SH3YL1: variants seen among roughly 807,000 people sequenced by gnomAD.
SH3YL1 encodes SH3 domain-containing YSC84-like protein 1.
A neutral mutation model predicts 45.8 loss-of-function variants in SH3YL1; 41 were observed. The ratio of observed to expected loss-of-function variants is 0.89; its 90% CI spans 0.70 to 1.16. The LOEUF (loss-of-function observed/expected upper bound fraction) is 1.16, where lower values mean the gene tolerates loss of function less well. Among genes scored for constraint, SH3YL1 ranks in the 50% most tolerant of loss-of-function variants. The pLI, the probability that SH3YL1 is intolerant of heterozygous loss-of-function variation, is 0.00. For synonymous variants in SH3YL1, 152 were observed against 151.4 expected, an observed-to-expected ratio of 1.00 and a Z score of -0.03; for missense variants, 389 against 409.6, an observed-to-expected ratio of 0.95 and a Z score of 0.43.
At chr2:227,995 T>C (rs1667859292) in intron 8 of SH3YL1, among the ~76,000 whole-genome samples, 1 of 152,154 alleles carries the variant, frequency 6.6e-6, no homozygotes, top group Non-Finnish European at 1.5e-5. Context: ...ACATTAAAAG[T>C]AGTCACTAGT....
chr2:262,811 C>A (rs1399501348), intron 1 of SH3YL1: 1 of 792,360 alleles, frequency 1.3e-6, no homozygotes, highest in Non-Finnish European at 1.7e-6. Context: ...AGTATCAAAT[C>A]ACTTTTGATG....
chr2:245,473 C>T (rs951257371), intron 4 of SH3YL1, among the ~76,000 whole-genome samples: 5 of 152,098 alleles, frequency 3.3e-5, no homozygotes, highest in African/African-American at 1.2e-4. Flanking sequence ...TGTGTCATTT[C>T]AAGGGCTTTT....
intron 6 of SH3YL1, among the ~76,000 whole-genome samples, chr2:232,283 T>C (rs1457744623): frequency 1.3e-5 from 2 of 152,022 alleles, no homozygotes; most frequent in African/African-American, 4.8e-5. Context: ...TGCTCTCTAT[T>C]TGACATGAGA....
intron 4 of SH3YL1, chr2:243,698 T>G (rs1668648123): frequency 1.0e-6 from 1 of 973,968 alleles, no homozygotes; most frequent in Non-Finnish European, 1.5e-6. Context: ...CTTAAGTTTC[T>G]TCCCCGGAAG....
rs1669001095 is a variant in SH3YL1, at chr2:249,834, A to T, written c.123T>A (p.Ile41=). ...GAATTGCAAGGCCTTTAGCCTTCGC[A>T]ATTACGTGAGCTGTTAACGTGGAAA... The part of the protein sequence containing the change: ...GPDKIIPAHV[I]AKAKGLAILS... Residue 41 remains isoleucine, a synonymous_variant, in exon 3 of 10, where the codon ATT becomes ATA. Coordinates refer to ENST00000356150, the MANE Select transcript of SH3YL1 (RefSeq NM_015677.4). 2.6e-6 allele frequency: 4 copies of T among 1,551,496 alleles called. No homozygotes were observed. Among genetic ancestry groups the T allele is most frequent in the Non-Finnish European group, 3.5e-6 (4 of 1,146,474 alleles).
intron 8 of SH3YL1, among the ~76,000 whole-genome samples, chr2:225,758 A>G (rs1213880021): frequency 6.6e-6 from 1 of 152,250 alleles, no homozygotes; most frequent in Admixed American, 6.5e-5. Context: ...ATTGGTACTT[A>G]AGTAGAAATA....
At chr2:264,157 G>C (rs1415148581), upstream of SH3YL1, 2 of 953,984 alleles carry the variant, frequency 2.1e-6, no homozygotes, top group Non-Finnish European at 2.9e-6. Context: ...CCACGCGCCC[G>C]CCGGGCCGCG....
At chr2:236,458 G>A (rs1668307635) in intron 4 of SH3YL1, among the ~76,000 whole-genome samples, 1 of 152,150 alleles carries the variant, frequency 6.6e-6, no homozygotes, top group Non-Finnish European at 1.5e-5. Flanking sequence ...TACCTGGGAA[G>A]TTGAAACAGT....
intron 8 of SH3YL1, among the ~76,000 whole-genome samples, chr2:228,795 T>C (rs940945460): frequency 2.6e-5 from 4 of 152,124 alleles, no homozygotes; most frequent in Non-Finnish European, 4.4e-5. Context: ...GAGGGTTACA[T>C]TTAGACCAGT....
intron 8 of SH3YL1, among the ~76,000 whole-genome samples, chr2:226,071 T>C (rs540598739): frequency 1.3e-4 from 20 of 152,122 alleles, no homozygotes; most frequent in Admixed American, 2.6e-4. Context: ...GAAGACTAAG[T>C]ATCCAGTAAA....
chr2:222,937 A>G (rs1471874464), intron 9 of SH3YL1: 1 of 152,240 alleles, frequency 6.6e-6, no homozygotes, highest in East Asian at 1.9e-4. Flanking sequence ...CCTTGGTAAG[A>G]GGTTAATGCC....
At position 251,514 on chromosome 2, in the gene SH3YL1, C is replaced by T. The variant is rs1261463619; in HGVS notation, c.112+1491G>A. Among the ~76,000 whole-genome samples the T allele has an allele frequency of 3.3e-5, 5 of 152,302 alleles. No individual in the cohort carries two copies. The East Asian group carries it at 9.6e-4, about 29-fold the overall frequency. On this transcript the variant is annotated intron_variant, in intron 2 of 9. Coordinates refer to ENST00000356150, the MANE Select transcript of SH3YL1 (RefSeq NM_015677.4). The stretch of plus-strand genomic sequence containing the variant: ...TAACATGCAAACAGAATTTCTTTTT[C>T]TGAGCTTCACCCACTGAGACGGGCT...
rs186175944 is a variant in SH3YL1 at position 218,858 on chromosome 2, G to A, written c.982C>T (p.Arg328Ter). 6 of 1,613,898 alleles carry A rather than the reference G, an allele frequency of 3.7e-6. No individual in the cohort carries two copies. Among genetic ancestry groups the A allele is most frequent in the African/African-American group, 2.7e-5 (2 of 75,034 alleles). Residue 328 changes from arginine to a stop codon, truncating the protein, a stop_gained, in exon 10 of 10, where the codon CGA becomes TGA. Transcript: ENST00000356150. LOFTEE classifies it high-confidence loss of function. ...GCTGGAAAAATGCCAGTTTGACCTC[G>A]AAGTTTTCCTTCCCACCAATCAAAA... ...SHFDWWEGKL[R>*]GQTGIFPANY...
At chr2:245,898 C>G (rs1164939289) in intron 4 of SH3YL1, among the ~76,000 whole-genome samples, 1 of 151,994 alleles carries the variant, frequency 6.6e-6, no homozygotes, top group Non-Finnish European at 1.5e-5. Flanking sequence ...TAAAATAATA[C>G]TGTGTATCAG....
chr2:242,479 C>T (rs1305568554), intron 4 of SH3YL1, among the ~76,000 whole-genome samples: 5 of 151,812 alleles, frequency 3.3e-5, no homozygotes, highest in Admixed American at 6.6e-5. Flanking sequence ...ATATTGTAAG[C>T]TCTGGAACAA....
intron 1 of SH3YL1, chr2:263,095 G>T (rs917629100): frequency 1.3e-5 from 2 of 159,584 alleles, no homozygotes; most frequent in African/African-American, 4.8e-5. Context: ...TCAACTGTGT[G>T]TACAGATTTT....
At chr2:257,182 G>C (rs1403690546) in intron 1 of SH3YL1, among the ~76,000 whole-genome samples, 2 of 152,014 alleles carry the variant, frequency 1.3e-5, no homozygotes, top group Non-Finnish European at 2.9e-5. Context: ...CTATTCTGTA[G>C]GTTGTTTTCT....
At chr2:219,434 C>A (rs1411236631) in intron 9 of SH3YL1, among the ~76,000 whole-genome samples, 1 of 152,022 alleles carries the variant, frequency 6.6e-6, no homozygotes, top group Non-Finnish European at 1.5e-5. Flanking sequence ...ACAGACAGAG[C>A]CTGAGGGGAG....
At chr2:230,320 G>A (rs1667980123) in intron 7 of SH3YL1, 1 of 263,166 alleles carries the variant, frequency 3.8e-6, no homozygotes, top group Non-Finnish European at 7.2e-6. Flanking sequence ...GAGCTGCAGG[G>A]ACGGTGGTGT....
Sources: gnomAD v4.1 joint callset for allele counts (sites outside exome capture counted in the v4.1 genomes callset) on GRCh38, gnomAD v4.1.1 for gene constraint, MANE v1.5 for transcripts, NCBI Gene and HGNC (gene_info 2026-07-23, HGNC 2026-07-21) for gene names.